BBS5: variants seen among roughly 807,000 people sequenced by gnomAD.
The protein encoded by BBS5 is BBSome complex member BBS5.
A neutral mutation model predicts 50.2 loss-of-function variants in BBS5; 39 were observed. The ratio of observed to expected loss-of-function variants is 0.78; its 90% CI spans 0.60 to 1.01. BBS5 has a LOEUF of 1.01. Ranked by LOEUF, BBS5 falls within the 50% of genes least tolerant of loss-of-function variation. The probability of loss-of-function intolerance (pLI) is 0.00; values close to 1 mark genes in which losing one functional copy is unlikely to be tolerated. For missense variants in BBS5, 356 were observed against 401.5 expected, an observed-to-expected ratio of 0.89 and a Z score of 0.97; for synonymous variants, 134 against 133.1, an observed-to-expected ratio of 1.01 and a Z score of -0.05.
chr2:169,487,962 C>T, intron 4 of BBS5, 25 bp from the exon 5 acceptor site: 1 of 1,612,516 alleles, frequency 6.2e-7, no homozygotes, highest in Middle Eastern at 1.7e-4. Flanking sequence ...AAAATCTGAA[C>T]TTTTAAATAA....
Position 169,505,352 on chromosome 2 carries a change from A to C in BBS5, c.*770A>C, listed in dbSNP as rs1181762638. 1 of 359,886 alleles carries C rather than the reference A, an allele frequency of 2.8e-6. No homozygotes were observed. The highest frequency in any genetic ancestry group is 5.3e-6 in the Non-Finnish European group (1 of 188,162). 22.3% of individuals were successfully genotyped at this position (359,886 alleles called of 1,614,324 possible). A position where few individuals can be genotyped will look rare whatever the true frequency, so the allele number is the denominator to read the frequency against. On this transcript the variant is annotated 3_prime_UTR_variant, in exon 12 of 12. Coordinates refer to ENST00000295240, the MANE Select transcript of BBS5 (RefSeq NM_152384.3). ...TGCCTTGGCCTCCCGAAGTGCCAAG[A>C]GTGCAGCCTCTGCCCGGCCGCCACC... is the stretch of plus-strand genomic sequence containing the variant.
intron 1 of BBS5, among the ~76,000 whole-genome samples, chr2:169,481,905 C>G (rs1254561852): frequency 6.6e-6 from 1 of 152,236 alleles, no homozygotes; most frequent in Non-Finnish European, 1.5e-5. Flanking sequence ...CTCACTACCT[C>G]CCAATATGGT....
chr2:169,493,527 G>C (rs1409879890), intron 6 of BBS5, among the ~76,000 whole-genome samples: 3 of 152,184 alleles, frequency 2.0e-5, no homozygotes, highest in Non-Finnish European at 4.4e-5. Flanking sequence ...TGGTCAGACA[G>C]TTGGTAGGTA....
At chr2:169,488,164 T>C in intron 5 of BBS5, 50 bp downstream of exon 5, 3 of 1,580,080 alleles carry the variant, frequency 1.9e-6, no homozygotes, top group Non-Finnish European at 2.6e-6. Flanking sequence ...TACTCTATGG[T>C]TTTAGACTGC....
chr2:169,486,282 T>A (rs1683487774), intron 2 of BBS5, among the ~76,000 whole-genome samples: 1 of 152,218 alleles, frequency 6.6e-6, no homozygotes, highest in Admixed American at 6.5e-5. Context: ...AATTTGTTGG[T>A]GAAATAATGT....
At chr2:169,501,607 G>A (rs996483446) in intron 9 of BBS5, among the ~76,000 whole-genome samples, 2 of 152,012 alleles carry the variant, frequency 1.3e-5, no homozygotes, top group African/African-American at 4.8e-5. Context: ...ACCAGGTGTG[G>A]TGGTGCCGGC....
chr2:169,491,704 C>G (rs995069995), intron 5 of BBS5, among the ~76,000 whole-genome samples: 1 of 151,968 alleles, frequency 6.6e-6, no homozygotes, highest in Non-Finnish European at 1.5e-5. Flanking sequence ...TCCCCCTTCT[C>G]CCCTTAGGGT....
At position 169,504,673 on chromosome 2, in the gene BBS5, T is replaced by C. The variant is rs1683869836; in HGVS notation, c.*91T>C. ...CATAAGTCATGGAATAGTTTTTATA[T>C]TTACAGCTTTTATATTTAAAACTTG... is the stretch of plus-strand genomic sequence containing the variant. On this transcript the variant is annotated 3_prime_UTR_variant, in exon 12 of 12. Coordinates refer to ENST00000295240, the MANE Select transcript of BBS5 (RefSeq NM_152384.3). 1 of 1,177,040 alleles carries C rather than the reference T, an allele frequency of 8.5e-7. No homozygotes were observed. The highest frequency in any genetic ancestry group is 1.3e-6 in the Non-Finnish European group (1 of 796,586). The allele number at this position is 1,177,040 out of a possible 1,614,324, so 72.9% of individuals were successfully genotyped here. A position where few individuals can be genotyped will look rare whatever the true frequency, so the allele number is the denominator to read the frequency against.
chr2:169,489,638 T>G (rs924584321), intron 5 of BBS5, among the ~76,000 whole-genome samples: 1 of 150,852 alleles, frequency 6.6e-6, no homozygotes, highest in Non-Finnish European at 1.5e-5. Context: ...TTCTTGTTGT[T>G]TACTAAATTC....
At chr2:169,492,750 AATGTAT>A in intron 5 of BBS5, 118 bp from the exon 6 acceptor site, 1 of 886,266 alleles carries the variant, frequency 1.1e-6, no homozygotes, top group East Asian at 2.8e-5. Flanking sequence ...AAAATATTAA[AATGTAT>A]CATAATTATT....
At chr2:169,482,084 C>T (rs1683407363) in intron 1 of BBS5, among the ~76,000 whole-genome samples, 167 bp from the exon 2 acceptor site, 1 of 152,136 alleles carries the variant, frequency 6.6e-6, no homozygotes, top group South Asian at 2.1e-4. Context: ...CACTGATCTT[C>T]AGGTTCTTGA....
intron 8 of BBS5, chr2:169,499,026 C>A: frequency 5.9e-6 from 1 of 169,026 alleles, no homozygotes; most frequent in Admixed American, 5.8e-5. Context: ...AAGGAGATAG[C>A]CTCAGATGGC....
intron 1 of BBS5, 87 bp from the exon 2 acceptor site, chr2:169,482,164 T>C: frequency 1.2e-6 from 1 of 843,202 alleles, no homozygotes; most frequent in Non-Finnish European, 2.1e-6. Flanking sequence ...TTAGCTGTTT[T>C]ATGTACATAT....
chr2:169,495,283 G>A (rs1345471121), intron 7 of BBS5, among the ~76,000 whole-genome samples: 2 of 152,176 alleles, frequency 1.3e-5, no homozygotes, highest in East Asian at 3.8e-4. Context: ...TGTTTGTATT[G>A]CTATTGCTTT....
At position 169,493,763 on chromosome 2, in the gene BBS5, T is replaced by C; in HGVS notation, c.545T>C (p.Ile182Thr). 6.2e-7 allele frequency: 1 copy of C among 1,612,574 alleles called. No individual in the cohort carries two copies. The highest frequency in any genetic ancestry group is 1.3e-5 in the African/African-American group (1 of 75,022). The change falls in exon 7 of 12, where the codon ATT becomes ACT. Residue 182 changes from isoleucine to threonine, a missense_variant. Transcript: ENST00000295240. ...SDQGNLGTFFITNVRIVWHAN... is the reference protein window; with the variant it reads ...SDQGNLGTFFTTNVRIVWHAN... ...CAGGGCAATTTAGGAACCTTTTTTATTACCAATGTGAGAATTGTGTGGCAT... is the reference window on the plus strand; with the variant it reads ...CAGGGCAATTTAGGAACCTTTTTTACTACCAATGTGAGAATTGTGTGGCAT...
At chr2:169,491,750 C>T (rs1683605843) in intron 5 of BBS5, among the ~76,000 whole-genome samples, 1 of 151,596 alleles carries the variant, frequency 6.6e-6, no homozygotes, top group African/African-American at 2.4e-5. Flanking sequence ...TTCTAGTTTT[C>T]TGTATAGAGG....
At chr2:169,492,846 G>A (rs1466207434) in intron 5 of BBS5, 28 bp from the exon 6 acceptor site, 2 of 1,596,412 alleles carry the variant, frequency 1.3e-6, no homozygotes, top group South Asian at 2.2e-5. Flanking sequence ...TTCAGTTTGA[G>A]TTGTCTTTTG....
At position 169,504,894 on chromosome 2, in the gene BBS5, T is replaced by C; in HGVS notation, c.*312T>C. 6.2e-7 allele frequency: 1 copy of C among 1,613,656 alleles called. No homozygotes were observed. The highest frequency in any genetic ancestry group is 8.5e-7 in the Non-Finnish European group (1 of 1,179,842). On this transcript the variant is annotated 3_prime_UTR_variant, in exon 12 of 12. Coordinates refer to ENST00000295240, the MANE Select transcript of BBS5 (RefSeq NM_152384.3). Reference sequence around the variant, plus strand: ...CAGTGCCTGCACGCCCGGCTGCAAATTCGCCCAGCCAATGGGGACGTTGCG... The same window carrying C: ...CAGTGCCTGCACGCCCGGCTGCAAACTCGCCCAGCCAATGGGGACGTTGCG...
At chr2:169,487,526 G>A (rs1459505262) in intron 3 of BBS5, among the ~76,000 whole-genome samples, 1 of 151,910 alleles carries the variant, frequency 6.6e-6, no homozygotes, top group East Asian at 1.9e-4. Context: ...TTTAGTAGTA[G>A]TGCCAAAACT....
Sources: gnomAD v4.1 joint callset for allele counts (sites outside exome capture counted in the v4.1 genomes callset) on GRCh38, gnomAD v4.1.1 for gene constraint, MANE v1.5 for transcripts, NCBI Gene and HGNC (gene_info 2026-07-23, HGNC 2026-07-21) for gene names.